CTNND2: variants seen among roughly 807,000 people sequenced by gnomAD.
The protein encoded by CTNND2 is catenin delta-2.
CTNND2 carries 22 observed loss-of-function variants against 144.4 expected under a neutral mutation model. The ratio of observed to expected loss-of-function variants is 0.15; its 90% CI spans 0.11 to 0.22. The LOEUF is 0.22. Ranked by LOEUF, CTNND2 falls within the 10% of genes least tolerant of loss-of-function variation. The pLI, the probability that CTNND2 is intolerant of heterozygous loss-of-function variation, is 1.00. For synonymous variants in CTNND2, 751 were observed against 695.6 expected, an observed-to-expected ratio of 1.08 and a Z score of -1.25; for missense variants, 1,353 against 1,618.8, an observed-to-expected ratio of 0.84 and a Z score of 2.82.
intron 6 of CTNND2, among the ~76,000 whole-genome samples, chr5:11,386,571 G>A (rs1759108164): frequency 6.6e-6 from 1 of 152,180 alleles, no homozygotes; most frequent in South Asian, 2.1e-4. Context: ...TGGCATAGGA[G>A]GTAAACAGTT....
Position 11,320,855 on chromosome 5 carries a change from C to T in CTNND2, c.1628+25517G>A, listed in dbSNP as rs536897354. ...ATATCAAGTATCTTAAAGCAAATTT[C>T]TAAAATAGGCCCTGGTTAATCTTAG... On this transcript the variant is annotated intron_variant, in intron 9 of 21. Transcript: ENST00000304623. Among the ~76,000 whole-genome samples the T allele has an allele frequency of 2.0e-5, 3 of 152,256 alleles. No homozygotes were observed. The East Asian group carries it at 5.8e-4, about 29-fold the overall frequency.
chr5:11,385,143 G>A lies in CTNND2; in HGVS notation c.699C>T (p.Ser233=). The A allele has an allele frequency of 4.0e-6, 4 of 1,005,760 alleles. No individual in the cohort carries two copies. Among genetic ancestry groups the A allele is most frequent in the Non-Finnish European group, 4.7e-6 (4 of 846,006 alleles). The allele number at this position is 1,005,760 out of a possible 1,614,324, so 62.3% of individuals were successfully genotyped here. A position where few individuals can be genotyped will look rare whatever the true frequency, so the allele number is the denominator to read the frequency against. The change falls in exon 7 of 22, where the codon AGC becomes AGT. Residue 233 remains serine, a synonymous_variant. Coordinates refer to ENST00000304623, the MANE Select transcript of CTNND2 (RefSeq NM_001332.4). ...PPPPREPFAP[S]LGSAFHLPDA... ...CGGGCAGGTGGAAGGCGCTGCCCAGGCTGGGCGCGAACGGCTCCCGCGGCG... is the reference window on the plus strand; with the variant it reads ...CGGGCAGGTGGAAGGCGCTGCCCAGACTGGGCGCGAACGGCTCCCGCGGCG...
At position 11,336,849 on chromosome 5, in the gene CTNND2, A is replaced by AAC. The variant is rs149179632; in HGVS notation, c.1628+9521_1628+9522dup. Among the ~76,000 whole-genome samples, 763 of 150,556 alleles carry AAC rather than the reference A, an allele frequency of 5.1e-3. 22 individuals are homozygous for AAC. In the East Asian group the frequency reaches 0.073, roughly 14 times the overall value. On this transcript the variant is annotated intron_variant, in intron 9 of 21. Transcript: ENST00000304623. Reference sequence around the variant, plus strand: ...ATACACTCATAATCTATATGGCACAAACACACACACACACACACATAACTT... The same window carrying AAC: ...ATACACTCATAATCTATATGGCACAAACACACACACACACACACACATAACTT...
At chr5:11,126,670 T>C (rs1319599491) in intron 12 of CTNND2, among the ~76,000 whole-genome samples, 1 of 152,188 alleles carries the variant, frequency 6.6e-6, no homozygotes, top group African/African-American at 2.4e-5. Flanking sequence ...TGTGAAGAAT[T>C]TGGGAACCCA....
At chr5:11,189,977 A>T (rs114928362) in intron 11 of CTNND2, among the ~76,000 whole-genome samples, 10 of 152,288 alleles carry the variant, frequency 6.6e-5, no homozygotes, top group African/African-American at 2.2e-4. Context: ...CTGCCTGTGC[A>T]TATGATTTGG....
At chr5:11,481,454 T>A (rs768813315) in intron 3 of CTNND2, among the ~76,000 whole-genome samples, 24 of 152,082 alleles carry the variant, frequency 1.6e-4, no homozygotes, top group Non-Finnish European at 5.9e-5. Context: ...CTACAAAAAA[T>A]TAGCCGGGTG....
chr5:11,076,471 C>T lies in CTNND2; in HGVS notation c.2788+6225G>A, dbSNP rs570032699. On this transcript the variant is annotated intron_variant, in intron 16 of 21. Transcript: ENST00000304623. ...ATATTGTTTGCTCTTTTCACTGATG[C>T]TAATTATTACCATTCCTTTTTTAAA... 1.2e-3 allele frequency among the ~76,000 whole-genome samples: 179 copies of T among 152,304 alleles called. 1 individual carries two copies. Among genetic ancestry groups the T allele is most frequent in the African/African-American group, 4.1e-3 (170 of 41,556 alleles).
At chr5:11,346,325 C>T in intron 9 of CTNND2, 47 bp downstream of exon 9, 1 of 1,368,370 alleles carries the variant, frequency 7.3e-7, no homozygotes, top group African/African-American at 1.5e-5. Flanking sequence ...TACCAGGTTA[C>T]AAAACCTCTT....
chr5:10,973,233 A>C lies in CTNND2; in HGVS notation c.*220T>G. On this transcript the variant is annotated 3_prime_UTR_variant, in exon 22 of 22. Transcript: ENST00000304623. This position sits in a 1 kb window ranked among gnomAD's most constrained non-coding sequence, Gnocchi z 5.6. ...CGCTAGAAAGGTGCTGCCCACTGTC[A>C]TATTTAGGATCACTTTAGCTTTCTA... is the stretch of plus-strand genomic sequence containing the variant. 1 of 512,592 alleles carries C rather than the reference A, an allele frequency of 2.0e-6. No individual in the cohort carries two copies. The highest frequency in any genetic ancestry group is 3.3e-5 in the East Asian group (1 of 30,472). 31.8% of individuals were successfully genotyped at this position (512,592 alleles called of 1,614,324 possible).
rs760683320 is a variant in CTNND2, at chr5:11,384,802, TG to T, written c.1039del (p.His347ThrfsTer3). On this transcript the variant is annotated frameshift_variant, in exon 7 of 22. Transcript: ENST00000304623. LOFTEE classifies it high-confidence loss of function. This position sits in a 1 kb window ranked among gnomAD's most constrained non-coding sequence, Gnocchi z 5.2. ...CGTGCCGATGGTGGAGCTCAGCTGG[TG>T]GATGGGCGAGGAGGAGATGGTGGAC... ...VQSTISSSPIHQLSSTIGTYA... is the reference protein window; with the variant it reads ...VQSTISSSPIXQLSSTIGTYA... 6.2e-7 allele frequency: 1 copy of T among 1,612,954 alleles called. No individual in the cohort carries two copies. Among genetic ancestry groups the T allele is most frequent in the Non-Finnish European group, 8.5e-7 (1 of 1,179,628 alleles).
intron 1 of CTNND2, among the ~76,000 whole-genome samples, chr5:11,862,281 A>G (rs1795537843): frequency 1.3e-5 from 2 of 152,314 alleles, no homozygotes; most frequent in South Asian, 2.1e-4. Context: ...TAATTTATGG[A>G]AAATAGAAAT....
chr5:11,372,636 T>G (rs1757566009), intron 7 of CTNND2, among the ~76,000 whole-genome samples: 1 of 151,716 alleles, frequency 6.6e-6, no homozygotes, highest in African/African-American at 2.4e-5. Context: ...CTGTTCTGGG[T>G]TTCCTATCTC....
In CTNND2 at chr5:10,988,921, G is replaced by A. The variant is rs920771431; in HGVS notation, c.3212-679C>T. Among the ~76,000 whole-genome samples the A allele has an allele frequency of 3.9e-5, 6 of 152,146 alleles. No individual in the cohort carries two copies. The highest frequency in any genetic ancestry group is 1.4e-4 in the African/African-American group (6 of 41,444). On this transcript the variant is annotated intron_variant, in intron 19 of 21. Coordinates refer to ENST00000304623, the MANE Select transcript of CTNND2 (RefSeq NM_001332.4). The surrounding 1 kb of genome is among the most constrained non-coding windows in gnomAD (Gnocchi z 5.9). ...GCATAAACACCCCAATAATCTCTGA[G>A]GCCCTCCTTACACCTCAGCCACTCA...
chr5:11,365,214 TAGTC>T (rs769249122), intron 7 of CTNND2, among the ~76,000 whole-genome samples: 11 of 152,230 alleles, frequency 7.2e-5, no homozygotes, highest in South Asian at 2.1e-4. Flanking sequence ...ATCAGGTAGA[TAGTC>T]AGTCCTAAAA....
intron 9 of CTNND2, among the ~76,000 whole-genome samples, chr5:11,344,402 A>C (rs1244226262): frequency 2.0e-5 from 3 of 152,160 alleles, no homozygotes; most frequent in Non-Finnish European, 4.4e-5. Flanking sequence ...AAAAAAAAAA[A>C]AAACATGTTG....
chr5:11,033,694 G>GTAAT (rs2149555153), intron 16 of CTNND2, among the ~76,000 whole-genome samples: 1 of 152,224 alleles, frequency 6.6e-6, no homozygotes, highest in Admixed American at 6.5e-5. Context: ...GCTGGGTGCA[G>GTAAT]TGGCGGGAGC....
chr5:11,302,598 G>C (rs1294701140), intron 9 of CTNND2, among the ~76,000 whole-genome samples: 1 of 152,146 alleles, frequency 6.6e-6, no homozygotes, highest in East Asian at 1.9e-4. Context: ...AGGCAGTGAA[G>C]AGAAAAAGAT....
intron 6 of CTNND2, among the ~76,000 whole-genome samples, chr5:11,396,108 C>T (rs567418295): frequency 2.6e-5 from 4 of 152,220 alleles, no homozygotes; most frequent in African/African-American, 4.8e-5. Context: ...AGAGATAGTG[C>T]CCAATAAATG....
intron 1 of CTNND2, among the ~76,000 whole-genome samples, chr5:11,885,641 A>C (rs1190572607): frequency 1.3e-5 from 2 of 152,126 alleles, no homozygotes; most frequent in South Asian, 2.1e-4. Flanking sequence ...TCAACAAACA[A>C]ACACTGGAGT....
Sources: gnomAD v4.1 joint callset for allele counts (sites outside exome capture counted in the v4.1 genomes callset) on GRCh38, gnomAD v4.1.1 for gene constraint, Gnocchi (gnomAD v3.1) non-coding constraint, MANE v1.5 for transcripts, NCBI Gene and HGNC (gene_info 2026-07-23, HGNC 2026-07-21) for gene names.